The following IP6K1 variants were observed in gnomAD, a reference collection of about 807,000 sequenced individuals.
IP6K1 encodes inositol hexakisphosphate kinase 1.
Under a neutral mutation model 38.3 loss-of-function variants are expected in IP6K1, and 13 were observed. The ratio of observed to expected loss-of-function variants is 0.34; its 90% CI spans 0.22 to 0.54. IP6K1 has a LOEUF of 0.54. Ranked by LOEUF, IP6K1 falls within the 20% of genes least tolerant of loss-of-function variation. The pLI is 0.92. For synonymous variants in IP6K1, 212 were observed against 229.9 expected (o/e 0.92, Z 0.70); for missense variants, 397 against 599.8 (o/e 0.66, Z 3.53).
chr3:49,780,341 C>CACACACACACACACACACACACAA (rs1025490190), intron 1 of IP6K1, among the ~76,000 whole-genome samples: 1 of 151,920 alleles, frequency 6.6e-6, no homozygotes, highest in Non-Finnish European at 1.5e-5. Flanking sequence ...CACACACACA[C>CACACACACACACACACACACACAA]AGTCTTAGGC....
intron 2 of IP6K1, among the ~76,000 whole-genome samples, chr3:49,745,209 C>T (rs968378857): frequency 6.6e-6 from 1 of 152,096 alleles, no homozygotes; most frequent in Non-Finnish European, 1.5e-5. Flanking sequence ...GGTTCTATCA[C>T]TGAAAATATG....
chr3:49,745,490 A>G (rs1252897666), intron 2 of IP6K1, among the ~76,000 whole-genome samples: 1 of 152,250 alleles, frequency 6.6e-6, no homozygotes, highest in Non-Finnish European at 1.5e-5. Flanking sequence ...TGGGAGGCCA[A>G]GGCAGGTAGG....
chr3:49,749,652 C>CA (rs2080754515), intron 1 of IP6K1, among the ~76,000 whole-genome samples: 1 of 152,022 alleles, frequency 6.6e-6, no homozygotes, highest in Non-Finnish European at 1.5e-5. Flanking sequence ...GCCTGGGTGA[C>CA]AGAGCAAGAC....
At chr3:49,779,643 G>A (rs1163251735) in intron 1 of IP6K1, among the ~76,000 whole-genome samples, 4 of 151,998 alleles carry the variant, frequency 2.6e-5, no homozygotes, top group Non-Finnish European at 5.9e-5. Flanking sequence ...TTACTACAGA[G>A]TAAGTTGTTT....
chr3:49,746,323 A>G (rs1301773364), intron 2 of IP6K1, among the ~76,000 whole-genome samples: 2 of 150,756 alleles, frequency 1.3e-5, no homozygotes, highest in Non-Finnish European at 2.9e-5. Flanking sequence ...CAACAGATGA[A>G]TGAATAAACA....
At chr3:49,780,567 G>C (rs2081056926) in intron 1 of IP6K1, among the ~76,000 whole-genome samples, 1 of 152,146 alleles carries the variant, frequency 6.6e-6, no homozygotes, top group African/African-American at 2.4e-5. Context: ...ACTGGGAGGA[G>C]GGCAGGCAGC....
At chr3:49,735,372 G>T (rs1453190875) in intron 3 of IP6K1, among the ~76,000 whole-genome samples, 1 of 152,034 alleles carries the variant, frequency 6.6e-6, no homozygotes, top group Non-Finnish European at 1.5e-5. Flanking sequence ...TAAAAAGAGT[G>T]GGGGGAAAAG....
intron 1 of IP6K1, among the ~76,000 whole-genome samples, chr3:49,779,614 C>T (rs1402162298): frequency 3.9e-5 from 6 of 152,140 alleles, no homozygotes; most frequent in African/African-American, 7.2e-5. Context: ...CATCAACATA[C>T]GACATCATCT....
chr3:49,746,629 C>T (rs2108236200), intron 2 of IP6K1, among the ~76,000 whole-genome samples: 1 of 147,556 alleles, frequency 6.8e-6, no homozygotes, highest in South Asian at 2.2e-4. Flanking sequence ...AAACCAAGAT[C>T]GCGCCACTGC....
Position 49,738,063 on chromosome 3 carries a change from C to G in IP6K1, c.434+149G>C. Reference sequence around the variant, plus strand: ...GAGGCACCACTGGGGTGATGTGACACAGAGAAGAGGCTACACCTGTGTGGG... The same window carrying G: ...GAGGCACCACTGGGGTGATGTGACAGAGAGAAGAGGCTACACCTGTGTGGG... On this transcript the variant is annotated intron_variant, in intron 3 of 5. Coordinates refer to ENST00000321599, the MANE Select transcript of IP6K1 (RefSeq NM_153273.4). 4 of 653,466 alleles carry G rather than the reference C, an allele frequency of 6.1e-6. No homozygotes were observed. In the South Asian group the frequency reaches 7.1e-5, roughly 12 times the overall value. The allele number at this position is 653,466 out of a possible 1,614,324, so 40.5% of individuals were successfully genotyped here.
intron 1 of IP6K1, among the ~76,000 whole-genome samples, chr3:49,784,426 CAGG>C (rs2081093354): frequency 6.6e-6 from 1 of 152,048 alleles, no homozygotes; most frequent in African/African-American, 2.4e-5. Flanking sequence ...GCAGGCGGAT[CAGG>C]AGGTCAGGAG....
intron 2 of IP6K1, among the ~76,000 whole-genome samples, chr3:49,738,885 A>T (rs1312400419): frequency 6.6e-6 from 1 of 152,138 alleles, no homozygotes; most frequent in Admixed American, 6.6e-5. Context: ...GTCCAAAAAA[A>T]TCTGTGTTCT....
intron 4 of IP6K1, among the ~76,000 whole-genome samples, chr3:49,731,887 C>CAACAAAAAAAAAAAAAAAAA (rs2080565012): frequency 1.5e-5 from 1 of 65,342 alleles, no homozygotes; most frequent in South Asian, 7.0e-4. Context: ...GACTCTGTCT[C>CAACAAAAAAAAAAAAAAAAA]AAAAAAAAAA....
Position 49,769,516 on chromosome 3 carries a change from G to A in IP6K1, c.-129+16838C>T, listed in dbSNP as rs139959082. On this transcript the variant is annotated intron_variant, in intron 1 of 5. Transcript: ENST00000321599. ...ACAAATCAGGATATAACAGTCAATT[G>A]TTTTTCGACAAAAGTACCAAAGCAA... is the stretch of plus-strand genomic sequence containing the variant. 4.4e-3 allele frequency among the ~76,000 whole-genome samples: 670 copies of A among 152,266 alleles called. 2 individuals are homozygous for A. The highest frequency in any genetic ancestry group is 6.8e-3 in the Non-Finnish European group (465 of 68,002).
At position 49,728,100 on chromosome 3, in the gene IP6K1, C is replaced by A. The variant is rs577495317; in HGVS notation, c.792+3G>T. 4 of 1,611,850 alleles carry A rather than the reference C, an allele frequency of 2.5e-6. No homozygotes were observed. The East Asian group carries it at 8.9e-5, about 36-fold the overall frequency. On this transcript the variant is annotated splice_donor_region_variant and intron_variant, in intron 5 of 5. Coordinates refer to ENST00000321599, the MANE Select transcript of IP6K1 (RefSeq NM_153273.4). ...ACCTAGGCTCTGAGCAGAGGTAACT[C>A]ACCTGCATGCCGCAGACCCTGACGC...
chr3:49,780,829 G>C (rs1440586828), intron 1 of IP6K1, among the ~76,000 whole-genome samples: 1 of 152,142 alleles, frequency 6.6e-6, no homozygotes, highest in African/African-American at 2.4e-5. Context: ...GCACTTCAAG[G>C]CAAGGCAGGG....
At chr3:49,780,252 T>G (rs978272722) in intron 1 of IP6K1, among the ~76,000 whole-genome samples, 1 of 144,432 alleles carries the variant, frequency 6.9e-6, no homozygotes, top group Non-Finnish European at 1.5e-5. Flanking sequence ...TGTTACATCT[T>G]CTAAATAAAC....
At chr3:49,731,887 C>CAAAAAAAA (rs71080545) in intron 4 of IP6K1, among the ~76,000 whole-genome samples, 30 of 65,320 alleles carry the variant, frequency 4.6e-4, no homozygotes, top group Middle Eastern at 8.3e-3. Flanking sequence ...GACTCTGTCT[C>CAAAAAAAA]AAAAAAAAAA....
intron 2 of IP6K1, 67 bp from the exon 3 acceptor site, chr3:49,738,489 T>G (rs2080636448): frequency 1.6e-6 from 2 of 1,229,196 alleles, no homozygotes; most frequent in Non-Finnish European, 2.4e-6. Flanking sequence ...CACAGACTGT[T>G]GGCACTCACT....
Sources: allele counts gnomAD v4.1 joint callset (sites outside exome capture counted in the v4.1 genomes callset), GRCh38; gene constraint gnomAD v4.1.1; transcripts MANE v1.5; gene names NCBI Gene and HGNC (gene_info 2026-07-23, HGNC 2026-07-21).